The following PLOD1 variants were observed in gnomAD, a reference collection of about 807,000 sequenced individuals.
The protein encoded by PLOD1 is procollagen-lysine,2-oxoglutarate 5-dioxygenase 1, also known as lysine hydroxylase.
A neutral mutation model predicts 94.7 loss-of-function variants in PLOD1; 70 were observed. The observed-to-expected ratio is 0.74, with a 90% CI of 0.61 to 0.90. The LOEUF (loss-of-function observed/expected upper bound fraction) is 0.90, where lower values mean the gene tolerates loss of function less well. Ranked by LOEUF, PLOD1 falls within the 40% of genes least tolerant of loss-of-function variation. The pLI, the probability that PLOD1 is intolerant of heterozygous loss-of-function variation, is 0.00. For synonymous variants in PLOD1, 417 were observed against 400.2 expected, an observed-to-expected ratio of 1.04 and a Z score of -0.50; for missense variants, 905 against 972.7, an observed-to-expected ratio of 0.93 and a Z score of 0.93.
intron 1 of PLOD1, chr1:11,944,451 A>ACACT (rs1375534390): frequency 6.3e-6 from 6 of 958,720 alleles, no homozygotes; most frequent in East Asian, 1.2e-4. Flanking sequence ...ACACACACAC[A>ACACT]CACTCACTCA....
chr1:11,948,239 A>G (rs1003919215), intron 2 of PLOD1, among the ~76,000 whole-genome samples, 172 bp downstream of exon 2: 1 of 152,166 alleles, frequency 6.6e-6, no homozygotes, highest in African/African-American at 2.4e-5. Flanking sequence ...GACACAGCAG[A>G]GGACACAGCA....
At chr1:11,936,667 C>T (rs938593161) in intron 1 of PLOD1, among the ~76,000 whole-genome samples, 2 of 151,770 alleles carry the variant, frequency 1.3e-5, no homozygotes, top group Middle Eastern at 6.3e-3. Flanking sequence ...GGATTACAGG[C>T]CTGCACCACC....
intron 9 of PLOD1, among the ~76,000 whole-genome samples, chr1:11,960,425 G>A (rs373189869): frequency 6.6e-6 from 1 of 152,228 alleles, no homozygotes. Context: ...GCTCTTAGGA[G>A]GCCTGACCTG....
At chr1:11,954,949 C>A in intron 6 of PLOD1, 56 bp downstream of exon 6, 1 of 1,352,542 alleles carries the variant, frequency 7.4e-7, no homozygotes. Context: ...GGAAGAATTC[C>A]AGGCAGGGCC....
chr1:11,957,984 G>T lies in PLOD1; in HGVS notation c.843+41G>T, dbSNP rs1241585925. On this transcript the variant is annotated intron_variant, in intron 8 of 18. Coordinates refer to ENST00000196061, the MANE Select transcript of PLOD1 (RefSeq NM_000302.4). The surrounding 1 kb of genome is among the most constrained non-coding windows in gnomAD (Gnocchi z 4.1). ...GGCCTGTGCCTGAGGGACACGGGGG[G>T]CTCAGTCCCCTGAGATGGCGAGATG... The T allele has an allele frequency of 7.8e-7, 1 of 1,287,020 alleles. No homozygotes were observed. Among genetic ancestry groups the T allele is most frequent in the East Asian group, 2.3e-5 (1 of 43,426 alleles). 79.7% of individuals were successfully genotyped at this position (1,287,020 alleles called of 1,614,324 possible).
At chr1:11,945,328 G>A (rs1191104234) in intron 1 of PLOD1, among the ~76,000 whole-genome samples, 1 of 152,012 alleles carries the variant, frequency 6.6e-6, no homozygotes, top group East Asian at 1.9e-4. Context: ...TAAGGTGGGA[G>A]GATCACCTGA....
In PLOD1 at chr1:11,949,863, A is replaced by G; in HGVS notation, c.259A>G (p.Lys87Glu). Residue 87 changes from lysine to glutamate, a missense_variant, in exon 3 of 19, where the codon AAG (lysine) becomes GAG (glutamate). Lys to Glu is a moderately conservative substitution (Grantham distance 56). Transcript: ENST00000196061. ...CCGGCTGCTGAAGAAAGCTCTGGAG[A>G]AGCACGCAGACAAGGAGGATCTGGT... ...KVRLLKKALE[K>E]HADKEDLVIL... 1 of 1,614,100 alleles carries G rather than the reference A, an allele frequency of 6.2e-7. No individual in the cohort carries two copies. The highest frequency in any genetic ancestry group is 8.5e-7 in the Non-Finnish European group (1 of 1,179,994).
intron 1 of PLOD1, chr1:11,944,658 T>G (rs1458674361): frequency 7.4e-7 from 1 of 1,354,390 alleles, no homozygotes; most frequent in Non-Finnish European, 9.9e-7. Context: ...GGATCCCAGG[T>G]TCAGGTAGTG....
In PLOD1 at chr1:11,960,784, A is replaced by C. The variant is rs202022200; in HGVS notation, c.1097+17A>C. On this transcript the variant is annotated intron_variant, in intron 10 of 18. Coordinates refer to ENST00000196061, the MANE Select transcript of PLOD1 (RefSeq NM_000302.4). Reference sequence around the variant, plus strand: ...CATGGGCGCGTGAGTTGTGGGCCACAGTACTCTCCACTGACAGTGGGGGCA... The same window carrying C: ...CATGGGCGCGTGAGTTGTGGGCCACCGTACTCTCCACTGACAGTGGGGGCA... 2.8e-5 allele frequency: 45 copies of C among 1,612,262 alleles called. No individual in the cohort carries two copies. In the African/African-American group the frequency reaches 5.6e-4, roughly 20 times the overall value.
chr1:11,944,806 T>C, intron 1 of PLOD1: 1 of 493,212 alleles, frequency 2.0e-6, no homozygotes, highest in Non-Finnish European at 3.2e-6. Context: ...CGGCTACCCC[T>C]GCCCCAGCTA....
intron 1 of PLOD1, among the ~76,000 whole-genome samples, chr1:11,937,127 C>A (rs886714887): frequency 6.6e-6 from 1 of 152,186 alleles, no homozygotes; most frequent in Non-Finnish European, 1.5e-5. Flanking sequence ...GGATTACAGG[C>A]GTGAGCCACC....
intron 6 of PLOD1, among the ~76,000 whole-genome samples, chr1:11,956,330 G>A (rs1160764069): frequency 6.6e-6 from 1 of 152,170 alleles, no homozygotes; most frequent in African/African-American, 2.4e-5. Flanking sequence ...GTTGCAGTGA[G>A]CCGAGATCAT....
At chr1:11,954,310 C>CAAAAAAAA (rs754503001) in intron 5 of PLOD1, 29 of 161,618 alleles carry the variant, frequency 1.8e-4, no homozygotes, top group African/African-American at 1.5e-3. Flanking sequence ...CCATCTCTAG[C>CAAAAAAAA]AAAAAAAAAA....
Position 11,957,903 on chromosome 1 carries a change from C to T in PLOD1, c.803C>T (p.Thr268Ile). 6.2e-7 allele frequency: 1 copy of T among 1,614,064 alleles called. No individual in the cohort carries two copies. Among genetic ancestry groups the T allele is most frequent in the Non-Finnish European group, 8.5e-7 (1 of 1,179,924 alleles). ...TTCTGGACCTTCGAAACAGGCTGCACCGTGTGTGACGAAGGCTTGCGCAGC... is the reference window on the plus strand; with the variant it reads ...TTCTGGACCTTCGAAACAGGCTGCATCGTGTGTGACGAAGGCTTGCGCAGC... Reference protein sequence around the residue: ...PRFWTFETGCTVCDEGLRSLK... With the variant: ...PRFWTFETGCIVCDEGLRSLK... The change falls in exon 8 of 19, where the codon ACC (threonine) becomes ATC (isoleucine). Residue 268 changes from threonine to isoleucine, a missense_variant. Coordinates refer to ENST00000196061, the MANE Select transcript of PLOD1 (RefSeq NM_000302.4). This position sits in a 1 kb window ranked among gnomAD's most constrained non-coding sequence, Gnocchi z 4.1.
intron 16 of PLOD1, 29 bp downstream of exon 16, chr1:11,967,120 G>T (rs373827465): frequency 7.1e-6 from 10 of 1,414,762 alleles, no homozygotes; most frequent in Admixed American, 1.7e-5. Context: ...GGCTGGGGCC[G>T]CAGGGAGGCT....
At chr1:11,954,286 A>G in intron 5 of PLOD1, 1 of 324,400 alleles carries the variant, frequency 3.1e-6, no homozygotes, top group East Asian at 8.3e-5. Flanking sequence ...CAGCCTGCTC[A>G]ATGTGGTGAA....
At chr1:11,974,037 T>C (rs1158374779) in intron 18 of PLOD1, among the ~76,000 whole-genome samples, 8 of 152,118 alleles carry the variant, frequency 5.3e-5, no homozygotes, top group Non-Finnish European at 1.0e-4. Flanking sequence ...CAGCTCTCAA[T>C]TGTAACATCT....
chr1:11,959,618 ATTT>A (rs796969636), intron 9 of PLOD1, among the ~76,000 whole-genome samples: 3 of 93,104 alleles, frequency 3.2e-5, no homozygotes, highest in Admixed American at 2.1e-4. Context: ...AATTTTTTGT[ATTT>A]TTTTTTTTTT....
At chr1:11,943,653 A>G (rs2100737466) in intron 1 of PLOD1, among the ~76,000 whole-genome samples, 1 of 152,224 alleles carries the variant, frequency 6.6e-6, no homozygotes, top group Admixed American at 6.5e-5. Context: ...GTTTCCCTGG[A>G]AAACAGGGAA....
Sources: allele counts gnomAD v4.1 joint callset (sites outside exome capture counted in the v4.1 genomes callset), GRCh38; gene constraint gnomAD v4.1.1; non-coding constraint Gnocchi (gnomAD v3.1); transcripts MANE v1.5; gene names NCBI Gene and HGNC (gene_info 2026-07-23, HGNC 2026-07-21).